The following LIPA variants were observed in gnomAD, a reference collection of about 807,000 sequenced individuals.
The protein encoded by LIPA is lipase A, lysosomal acid type.
A neutral mutation model predicts 40.6 loss-of-function variants in LIPA; 26 were observed. The ratio of observed to expected loss-of-function variants is 0.64; its 90% CI spans 0.47 to 0.89. LIPA has a LOEUF of 0.89. Among genes scored for constraint, LIPA ranks in the 40% least tolerant of loss-of-function variants. LIPA has a pLI of 0.00. For missense variants in LIPA, 455 were observed against 479.6 expected (o/e 0.95, Z 0.48); for synonymous variants, 188 against 168.4 (o/e 1.12, Z -0.90).
At chr10:89,340,224 G>T (rs1843841559) in intron 1 of LIPA, 10 of 1,312,640 alleles carry the variant, frequency 7.6e-6, no homozygotes, top group Non-Finnish European at 1.0e-5. Flanking sequence ...GGATTGCTGA[G>T]CAGGGAAGCT....
At chr10:89,228,648 C>A (rs1842802263) in intron 3 of LIPA, among the ~76,000 whole-genome samples, 1 of 152,092 alleles carries the variant, frequency 6.6e-6, no homozygotes, top group Non-Finnish European at 1.5e-5. Context: ...ATGTAAGCAG[C>A]AAAAACAAAA....
At chr10:89,255,428 T>A (rs1843176116), upstream of LIPA, among the ~76,000 whole-genome samples, 1 of 152,126 alleles carries the variant, frequency 6.6e-6, no homozygotes, top group South Asian at 2.1e-4. Flanking sequence ...GATTTAATTA[T>A]CTCCCACTGG....
Position 89,223,839 on chromosome 10 carries a change from TA to T in LIPA, c.676-10del. On this transcript the variant is annotated splice_polypyrimidine_tract_variant and intron_variant, in intron 6 of 9. Transcript: ENST00000336233. ...TTGTCTCCAAATAAGTCCTACAAAA[TA>T]AAAAGAAACCCAAGAACATCTCAGC... The T allele has an allele frequency of 6.2e-7, 1 of 1,613,794 alleles. No homozygotes were observed. The highest frequency in any genetic ancestry group is 8.5e-7 in the Non-Finnish European group (1 of 1,179,814).
rs578154457 is a variant in LIPA at position 89,334,478 on chromosome 10, C to CTTTTTTTT, written c.-2+8125_-2+8132dup. On this transcript the variant is annotated intron_variant, in intron 1 of 5. Coordinates refer to the LIPA transcript ENST00000282673. ...TGTTTTTTCTTCTTTTTCTTTTATT[C>CTTTTTTTT]TTTTTTTTTTTTTTTTTTTTTTTTT... Among the ~76,000 whole-genome samples the CTTTTTTTT allele has an allele frequency of 6.5e-3, 166 of 25,346 alleles. 3 individuals carry two copies. The highest frequency in any genetic ancestry group is 8.9e-3 in the Non-Finnish European group (128 of 14,428). 16.6% of individuals were successfully genotyped at this position (25,346 alleles called of 152,430 possible).
chr10:89,260,436 C>T (rs1674746880), intron 1 of LIPA, among the ~76,000 whole-genome samples: 1 of 152,180 alleles, frequency 6.6e-6, no homozygotes, highest in Non-Finnish European at 1.5e-5. Flanking sequence ...AACAGGAAGG[C>T]CCAACTCACC....
At chr10:89,354,338 A>G (rs960102427) in intron 2 of LIPA, among the ~76,000 whole-genome samples, 6 of 152,198 alleles carry the variant, frequency 3.9e-5, no homozygotes, top group Non-Finnish European at 7.3e-5. Flanking sequence ...CTGTCTTCCT[A>G]AAATGTATAA....
chr10:89,252,211 T>C (rs1046728184), upstream of LIPA, among the ~76,000 whole-genome samples: 7 of 152,264 alleles, frequency 4.6e-5, no homozygotes, highest in African/African-American at 1.7e-4. Context: ...TCATTGTGCC[T>C]GATGCAAAGC....
chr10:89,292,607 C>G (rs1035946226), intron 1 of LIPA: 2 of 152,182 alleles, frequency 1.3e-5, no homozygotes, highest in African/African-American at 4.8e-5. Context: ...GAGCTTTATA[C>G]ATAGTAGTCC....
At chr10:89,246,258 G>A (rs1843023802) in intron 2 of LIPA, among the ~76,000 whole-genome samples, 1 of 152,120 alleles carries the variant, frequency 6.6e-6, no homozygotes, top group Non-Finnish European at 1.5e-5. Context: ...TACATAGAAT[G>A]TCAAGGTGGG....
At chr10:89,342,876 TG>T (rs1225291463), upstream of LIPA, among the ~76,000 whole-genome samples, 1 of 152,258 alleles carries the variant, frequency 6.6e-6, no homozygotes, top group East Asian at 1.9e-4. Flanking sequence ...TCTTGTCATA[TG>T]ACAAAGCATT....
intron 1 of LIPA, among the ~76,000 whole-genome samples, chr10:89,311,970 C>G (rs1843519037): frequency 6.6e-6 from 1 of 152,112 alleles, no homozygotes; most frequent in African/African-American, 2.4e-5. Flanking sequence ...TGCTAGTTTT[C>G]TCTCCTCTCT....
chr10:89,335,086 A>C (rs1356825243), intron 1 of LIPA, among the ~76,000 whole-genome samples: 3 of 152,144 alleles, frequency 2.0e-5, no homozygotes, highest in African/African-American at 2.4e-5. Flanking sequence ...ATTTTGCTCC[A>C]AATTTTACTT....
intron 2 of LIPA, chr10:89,392,768 T>A (rs528041973): frequency 1.3e-6 from 2 of 1,592,594 alleles, no homozygotes; most frequent in East Asian, 2.2e-5. Flanking sequence ...TTTGAAAAAA[T>A]GGTAATTAAA....
intron 1 of LIPA, among the ~76,000 whole-genome samples, chr10:89,287,517 A>T (rs1251692115): frequency 6.6e-6 from 1 of 151,810 alleles, no homozygotes; most frequent in Admixed American, 6.6e-5. Flanking sequence ...GCCACATCTC[A>T]TTGCCACCCT....
At chr10:89,275,407 G>A (rs1005760592) in intron 1 of LIPA, among the ~76,000 whole-genome samples, 8 of 152,158 alleles carry the variant, frequency 5.3e-5, no homozygotes, top group African/African-American at 1.9e-4. Flanking sequence ...AGCTGACTTG[G>A]GTTCTAGTCC....
At chr10:89,392,463 C>G in intron 2 of LIPA, 1 of 373,198 alleles carries the variant, frequency 2.7e-6, no homozygotes, top group South Asian at 4.1e-5. Context: ...AACAAAGTTT[C>G]ATTCCCCACC....
intron 1 of LIPA, among the ~76,000 whole-genome samples, chr10:89,294,747 G>A (rs1843400222): frequency 6.6e-6 from 1 of 152,086 alleles, no homozygotes; most frequent in South Asian, 2.1e-4. Context: ...TGCTGAAGCA[G>A]GAAGATCAGT....
At chr10:89,257,284 A>G (rs760609324) in intron 1 of LIPA, among the ~76,000 whole-genome samples, 11 of 152,226 alleles carry the variant, frequency 7.2e-5, no homozygotes, top group Non-Finnish European at 1.2e-4. Context: ...GGACTTTAAT[A>G]TAAAGGACTT....
chr10:89,247,415 AGAGAAATTG>A, intron 2 of LIPA, 114 bp downstream of exon 2: 1 of 585,074 alleles, frequency 1.7e-6, no homozygotes, highest in Non-Finnish European at 3.1e-6. Flanking sequence ...AAAAAAATTC[AGAGAAATTG>A]AAAAGCAAAG....
Sources: allele counts gnomAD v4.1 joint callset (sites outside exome capture counted in the v4.1 genomes callset), GRCh38; gene constraint gnomAD v4.1.1; transcripts MANE v1.5; gene names NCBI Gene and HGNC (gene_info 2026-07-23, HGNC 2026-07-21).